PDE4D: variants seen among roughly 807,000 people sequenced by gnomAD.
PDE4D encodes the protein phosphodiesterase 4D.
A neutral mutation model predicts 87.4 loss-of-function variants in PDE4D; 24 were observed. The observed-to-expected ratio is 0.27, with a 90% CI of 0.20 to 0.39. PDE4D has a LOEUF of 0.39. Ranked by LOEUF, PDE4D falls within the 10% of genes least tolerant of loss-of-function variation. PDE4D has a pLI of 1.00. For missense variants in PDE4D, 714 were observed against 1,041.0 expected (o/e 0.69, Z 4.32); for synonymous variants, 384 against 383.2 (o/e 1.00, Z -0.02).
Position 59,737,890 on chromosome 5 carries a change from T to C in PDE4D, c.455+155278A>G, listed in dbSNP as rs77026848. ...ATATAGAATCAAAATATTATTTGTCTTTTGACTTCCCGGTTTTACAAAGGC... is the reference window on the plus strand; with the variant it reads ...ATATAGAATCAAAATATTATTTGTCCTTTGACTTCCCGGTTTTACAAAGGC... On this transcript the variant is annotated intron_variant, in intron 1 of 14. Coordinates refer to ENST00000340635, the MANE Select transcript of PDE4D (RefSeq NM_001104631.2). Among the ~76,000 whole-genome samples the C allele has an allele frequency of 6.8e-3, 1,040 of 152,280 alleles. 63 individuals carry two copies. In the East Asian group the frequency reaches 0.16, roughly 23 times the overall value.
At chr5:60,058,020 C>T (rs1187517920) in intron 2 of PDE4D, among the ~76,000 whole-genome samples, 1 of 151,878 alleles carries the variant, frequency 6.6e-6, no homozygotes, top group African/African-American at 2.4e-5. Context: ...ATTCTGGATG[C>T]TCTATGTTTA....
chr5:59,944,114 A>C (rs1046615418), intron 3 of PDE4D, among the ~76,000 whole-genome samples: 2 of 152,238 alleles, frequency 1.3e-5, no homozygotes, highest in South Asian at 2.1e-4. Context: ...CTCAACTCAG[A>C]GGAGACTAAG....
chr5:59,941,172 G>A (rs946640372), intron 3 of PDE4D, among the ~76,000 whole-genome samples: 3 of 152,138 alleles, frequency 2.0e-5, no homozygotes, highest in African/African-American at 7.2e-5. Flanking sequence ...TTAAGTCACT[G>A]AGTTTGCTAT....
chr5:60,219,061 C>T (rs950144131), intron 1 of PDE4D, among the ~76,000 whole-genome samples: 1 of 152,050 alleles, frequency 6.6e-6, no homozygotes, highest in Non-Finnish European at 1.5e-5. Context: ...TATACAGCAG[C>T]CTTATTATTT....
At chr5:60,368,934 C>G (rs549781944) in intron 1 of PDE4D, among the ~76,000 whole-genome samples, 1 of 152,050 alleles carries the variant, frequency 6.6e-6, no homozygotes, top group Non-Finnish European at 1.5e-5. Flanking sequence ...AATAAAATAC[C>G]CTGTCTCAGG....
chr5:59,035,026 T>A (rs935834574), intron 6 of PDE4D, among the ~76,000 whole-genome samples: 1 of 152,252 alleles, frequency 6.6e-6, no homozygotes, highest in Admixed American at 6.5e-5. Flanking sequence ...CAGGGTTCCA[T>A]AGCATAATCC....
chr5:59,967,976 T>A (rs1044603447), intron 3 of PDE4D, among the ~76,000 whole-genome samples: 1 of 8,842 alleles, frequency 1.1e-4, no homozygotes, highest in East Asian at 0.012. Flanking sequence ...AGCCATATGC[T>A]TTTTTTTTTT....
chr5:60,282,011 T>C (rs893099340), intron 1 of PDE4D, among the ~76,000 whole-genome samples: 3 of 146,878 alleles, frequency 2.0e-5, no homozygotes, highest in Non-Finnish European at 3.0e-5. Context: ...CACTCCAGAC[T>C]GGCCAACAGG....
intron 1 of PDE4D, among the ~76,000 whole-genome samples, chr5:59,798,738 G>A (rs547520017): frequency 6.6e-6 from 1 of 152,304 alleles, no homozygotes; most frequent in Non-Finnish European, 1.5e-5. Context: ...TCAGTAAAGT[G>A]TGGTACAATG....
At chr5:59,640,213 G>A (rs974777372) in intron 1 of PDE4D, among the ~76,000 whole-genome samples, 4 of 151,984 alleles carry the variant, frequency 2.6e-5, no homozygotes, top group African/African-American at 9.7e-5. Flanking sequence ...AGTTTTTATT[G>A]CTAATTTACA....
chr5:60,194,866 A>T (rs965717991), intron 1 of PDE4D, among the ~76,000 whole-genome samples: 5 of 151,518 alleles, frequency 3.3e-5, no homozygotes, highest in Non-Finnish European at 7.4e-5. Context: ...AAAATCTATC[A>T]ATAGCTGCCT....
chr5:59,586,454 C>G (rs1825144037), intron 1 of PDE4D: 14 of 1,546,878 alleles, frequency 9.1e-6, no homozygotes, highest in Non-Finnish European at 2.6e-6. Context: ...AATTCCAACT[C>G]TCTTGTTTGA....
chr5:59,432,456 T>C (rs972528230), intron 1 of PDE4D, among the ~76,000 whole-genome samples: 1 of 152,108 alleles, frequency 6.6e-6, no homozygotes, highest in Non-Finnish European at 1.5e-5. Flanking sequence ...TTCTTACTGA[T>C]TGGTGCTTGT....
chr5:59,053,645 G>GTTTTTTGTTTTTTGTTTTTT (rs1561396071), intron 5 of PDE4D, among the ~76,000 whole-genome samples: 1 of 68,794 alleles, frequency 1.5e-5, no homozygotes, highest in African/African-American at 5.2e-5. Flanking sequence ...TTTGTTTTTT[G>GTTTTTTGTTTTTTGTTTTTT]TTTTTTTTTG....
intron 5 of PDE4D, among the ~76,000 whole-genome samples, chr5:59,165,734 C>T (rs1361426739): frequency 1.3e-5 from 2 of 152,210 alleles, no homozygotes; most frequent in African/African-American, 4.8e-5. Flanking sequence ...TATGAACCCA[C>T]AAAATCTGGT....
chr5:60,380,082 A>G (rs1761740607), intron 1 of PDE4D, among the ~76,000 whole-genome samples: 1 of 152,192 alleles, frequency 6.6e-6, no homozygotes, highest in Non-Finnish European at 1.5e-5. Context: ...TTATGGTTTC[A>G]CTTGCGTATA....
chr5:59,782,779 A>C (rs1764758834), intron 1 of PDE4D, among the ~76,000 whole-genome samples: 1 of 152,268 alleles, frequency 6.6e-6, no homozygotes, highest in Non-Finnish European at 1.5e-5. Context: ...CAATTTTGCT[A>C]TAACAACTCA....
At chr5:59,216,077 A>T in intron 1 of PDE4D, 109 bp from the exon 2 acceptor site, 1 of 702,268 alleles carries the variant, frequency 1.4e-6, no homozygotes, top group Non-Finnish European at 2.4e-6. Flanking sequence ...AGCAGGAATG[A>T]AAATTACAGC....
intron 1 of PDE4D, among the ~76,000 whole-genome samples, chr5:59,318,690 A>T (rs912106368): frequency 2.0e-5 from 3 of 152,182 alleles, no homozygotes; most frequent in Admixed American, 1.3e-4. Context: ...AATGTTAAAC[A>T]TAATTGTGTT....
Sources: allele counts gnomAD v4.1 joint callset (sites outside exome capture counted in the v4.1 genomes callset), GRCh38; gene constraint gnomAD v4.1.1; transcripts MANE v1.5; gene names NCBI Gene and HGNC (gene_info 2026-07-23, HGNC 2026-07-21).